The following GOLGA3 variants were observed in gnomAD, a reference collection of about 807,000 sequenced individuals.
GOLGA3 encodes the protein golgin subfamily A member 3.
In GOLGA3, 75 loss-of-function variants were observed where a neutral mutation model predicts 169.4. That is an observed-to-expected ratio of 0.44 (90% confidence interval 0.37 to 0.54). The LOEUF is 0.54. Ranked by LOEUF, GOLGA3 falls within the 20% of genes least tolerant of loss-of-function variation. GOLGA3 has a pLI of 0.00. For missense variants in GOLGA3, 1,899 were observed against 1,930.0 expected, an observed-to-expected ratio of 0.98 and a Z score of 0.30; for synonymous variants, 824 against 822.4, an observed-to-expected ratio of 1.00 and a Z score of -0.03.
intron 15 of GOLGA3, among the ~76,000 whole-genome samples, chr12:132,785,067 C>A (rs1479630698): frequency 6.6e-6 from 1 of 152,196 alleles, no homozygotes; most frequent in Non-Finnish European, 1.5e-5. Context: ...CCTCATTTTG[C>A]TGAGGATCAA....
intron 13 of GOLGA3, among the ~76,000 whole-genome samples, chr12:132,787,915 TGGACCCCCCCC>T (rs1222371900): frequency 7.6e-6 from 1 of 132,282 alleles, no homozygotes; most frequent in Non-Finnish European, 1.6e-5. Context: ...GACCCTTCCC[TGGACCCCCCCC>T]GGATGCCCTC....
chr12:132,812,229 A>ATTTTT (rs1156328379), intron 4 of GOLGA3, among the ~76,000 whole-genome samples: 1 of 143,842 alleles, frequency 7.0e-6, no homozygotes, highest in Non-Finnish European at 1.5e-5. Flanking sequence ...ATATATATAT[A>ATTTTT]TTTTTTTTAA....
rs1206533175 is a variant in GOLGA3, at chr12:132,821,329, C to T, written c.133+667G>A. ...GGCTGAGGCAGAAGAATTGCTTGAA[C>T]CCGGGAAGTGGAGGTTGCAGTGAAA... On this transcript the variant is annotated intron_variant, in intron 2 of 23. Coordinates refer to ENST00000450791, the MANE Select transcript of GOLGA3 (RefSeq NM_001389683.1). 4.0e-5 allele frequency among the ~76,000 whole-genome samples: 6 copies of T among 151,696 alleles called. No homozygotes were observed. In the East Asian group the frequency reaches 1.2e-3, roughly 30 times the overall value.
intron 16 of GOLGA3, chr12:132,783,908 G>A: frequency 2.1e-6 from 3 of 1,430,618 alleles, no homozygotes; most frequent in Non-Finnish European, 2.7e-6. Flanking sequence ...CAAAGCATTT[G>A]AACTGAGAAG....
chr12:132,779,117 G>T (rs1046454791), intron 18 of GOLGA3, among the ~76,000 whole-genome samples: 1 of 151,982 alleles, frequency 6.6e-6, no homozygotes, highest in Non-Finnish European at 1.5e-5. Flanking sequence ...TTTCCCACTT[G>T]TTGCCCAGGC....
intron 4 of GOLGA3, among the ~76,000 whole-genome samples, chr12:132,810,378 C>A (rs11147087): frequency 0.27 from 40,986 of 151,788 alleles, 5,834 homozygotes; most frequent in Middle Eastern, 0.43. Flanking sequence ...GGTGCCGAGG[C>A]AAGAGACTGA....
At chr12:132,800,024 C>T (rs909143981) in intron 8 of GOLGA3, among the ~76,000 whole-genome samples, 11 of 152,212 alleles carry the variant, frequency 7.2e-5, no homozygotes, top group East Asian at 5.8e-4. Context: ...TACAGGCATG[C>T]GCTACTGCAC....
rs140342661 is a variant in GOLGA3, at chr12:132,777,771, C to A, written c.3617G>T (p.Arg1206Leu). 1 of 1,613,626 alleles carries A rather than the reference C, an allele frequency of 6.2e-7. No homozygotes were observed. The highest frequency in any genetic ancestry group is 1.1e-5 in the South Asian group (1 of 91,072). ...CAAGGAGGCCGCCTTGAAGTGGCGG[C>A]GGTTATGCCCGGCTTCCACCTTGGC... ...AAAKVEAGHN[R>L]RHFKAASLEL... The change falls in exon 19 of 24, where the codon CGC (arginine) becomes CTC (leucine). Residue 1206 changes from arginine (R) to leucine (L), a missense_variant. By Grantham distance (102) the Arg-to-Leu change is moderately radical. Transcript: ENST00000450791. This position sits in a 1 kb window ranked among gnomAD's most constrained non-coding sequence, Gnocchi z 4.7.
chr12:132,796,787 A>C, intron 9 of GOLGA3, 87 bp from the exon 10 acceptor site: 1 of 1,326,594 alleles, frequency 7.5e-7, no homozygotes, highest in Non-Finnish European at 1.0e-6. Context: ...AGAGAAACCC[A>C]CCGCCCTGGC....
At chr12:132,798,900 T>G (rs146058541) in intron 8 of GOLGA3, among the ~76,000 whole-genome samples, 3 of 152,248 alleles carry the variant, frequency 2.0e-5, no homozygotes, top group South Asian at 4.1e-4. Context: ...CAGGTGCCAT[T>G]CCAGGGATAC....
At chr12:132,814,320 G>A (rs1022138084) in intron 3 of GOLGA3, among the ~76,000 whole-genome samples, 3 of 152,146 alleles carry the variant, frequency 2.0e-5, no homozygotes, top group Non-Finnish European at 2.9e-5. Flanking sequence ...CACCGTGCCC[G>A]GCAGCAAGTG....
At chr12:132,803,342 G>A (rs1003416920) in intron 7 of GOLGA3, among the ~76,000 whole-genome samples, 2 of 152,304 alleles carry the variant, frequency 1.3e-5, no homozygotes, top group East Asian at 3.9e-4. Flanking sequence ...TTCACACTTA[G>A]GAAATCTGTG....
rs370267104 is a variant in GOLGA3 at position 132,822,136 on chromosome 12, A to G, written c.-8T>C. 1.1e-5 allele frequency: 17 copies of G among 1,598,734 alleles called. No individual in the cohort carries two copies. In the African/African-American group the frequency reaches 2.2e-4, roughly 20 times the overall value. On this transcript the variant is annotated 5_prime_UTR_variant, in exon 2 of 24. Transcript: ENST00000450791. Reference sequence around the variant, plus strand: ...GGCCGACGCGCCGTCCATGGTCAGGACGACACCAGCTGAGCTGACGCTGAG... The same window carrying G: ...GGCCGACGCGCCGTCCATGGTCAGGGCGACACCAGCTGAGCTGACGCTGAG...
At chr12:132,796,825 T>A in intron 9 of GOLGA3, 125 bp from the exon 10 acceptor site, 1 of 963,456 alleles carries the variant, frequency 1.0e-6, no homozygotes, top group Non-Finnish European at 1.6e-6. Context: ...CCTCATCCTG[T>A]CTACCGACTG....
In GOLGA3 at chr12:132,791,208, A is replaced by G. The variant is rs1314005323; in HGVS notation, c.2547+8T>C. 1.3e-6 allele frequency: 2 copies of G among 1,543,878 alleles called. No homozygotes were observed. The highest frequency in any genetic ancestry group is 1.8e-6 in the Non-Finnish European group (2 of 1,117,030). ...TTTCAAGTGAAGAAATCAACAACAG[A>G]TTTTTACCTTTTGTTGGAGAAACTG... On this transcript the variant is annotated splice_region_variant and intron_variant, in intron 12 of 23. Transcript: ENST00000450791.
At position 132,772,924 on chromosome 12, in the gene GOLGA3, T is replaced by C; in HGVS notation, c.*181A>G. 1.9e-6 allele frequency: 1 copy of C among 537,298 alleles called. No individual in the cohort carries two copies. The highest frequency in any genetic ancestry group is 2.5e-5 in the South Asian group (1 of 40,476). The allele number at this position is 537,298 out of a possible 1,614,324, so 33.3% of individuals were successfully genotyped here. Reference sequence around the variant, plus strand: ...TTGGTCATTCCATGTGAAAAGCTAATTGTGATCTTCGAATGTTTTTCTAGT... The same window carrying C: ...TTGGTCATTCCATGTGAAAAGCTAACTGTGATCTTCGAATGTTTTTCTAGT... On this transcript the variant is annotated 3_prime_UTR_variant, in exon 24 of 24. Coordinates refer to ENST00000450791, the MANE Select transcript of GOLGA3 (RefSeq NM_001389683.1).
At chr12:132,796,768 G>C in intron 9 of GOLGA3, 68 bp from the exon 10 acceptor site, 1 of 1,475,308 alleles carries the variant, frequency 6.8e-7, no homozygotes, top group South Asian at 1.2e-5. Flanking sequence ...CGGTGGCCCC[G>C]TGCTCTGCAG....
At chr12:132,773,328 C>T (rs1211898647) in intron 23 of GOLGA3, 34 bp from the exon 24 acceptor site, 2 of 1,311,170 alleles carry the variant, frequency 1.5e-6, no homozygotes, top group Non-Finnish European at 2.0e-6. Flanking sequence ...AGGCCCAGAT[C>T]ACACAAGTGC....
At chr12:132,828,715 C>A in intron 1 of GOLGA3, 88 bp downstream of exon 1, 1 of 4,250 alleles carries the variant, frequency 2.4e-4, no homozygotes, top group South Asian at 4.0e-3. Flanking sequence ...GCCGCCGCCC[C>A]TCGAGCCTCC....
Sources: gnomAD v4.1 joint callset for allele counts (sites outside exome capture counted in the v4.1 genomes callset) on GRCh38, gnomAD v4.1.1 for gene constraint, Gnocchi (gnomAD v3.1) non-coding constraint, MANE v1.5 for transcripts, NCBI Gene and HGNC (gene_info 2026-07-23, HGNC 2026-07-21) for gene names.